GRIK2: variants seen among roughly 807,000 people sequenced by gnomAD.
GRIK2 encodes the protein glutamate receptor ionotropic, kainate 2.
A neutral mutation model predicts 100.3 loss-of-function variants in GRIK2; 32 were observed. That is an observed-to-expected ratio of 0.32 (90% CI 0.24 to 0.43). The LOEUF (loss-of-function observed/expected upper bound fraction) is 0.43, where lower values mean the gene tolerates loss of function less well. Among genes scored for constraint, GRIK2 ranks in the 20% least tolerant of loss-of-function variants. GRIK2 has a pLI of 1.00. For missense variants in GRIK2, 843 were observed against 1,114.9 expected (o/e 0.76, Z 3.47); for synonymous variants, 417 against 389.4 (o/e 1.07, Z -0.83).
intron 2 of GRIK2, among the ~76,000 whole-genome samples, chr6:101,418,077 G>A (rs142966879): frequency 6.6e-6 from 1 of 152,266 alleles, no homozygotes; most frequent in African/African-American, 2.4e-5. Context: ...TCAGCCCTAG[G>A]CTTTTATCCA....
chr6:101,691,650 G>A (rs1772106656), intron 7 of GRIK2, among the ~76,000 whole-genome samples: 3 of 152,080 alleles, frequency 2.0e-5, no homozygotes, highest in Non-Finnish European at 2.9e-5. Flanking sequence ...AGTTAGAAGA[G>A]TAGTTCCCAT....
At chr6:101,809,454 A>T (rs1781197717) in intron 9 of GRIK2, among the ~76,000 whole-genome samples, 1 of 151,920 alleles carries the variant, frequency 6.6e-6, no homozygotes, top group African/African-American at 2.4e-5. Context: ...TGGAATTTAA[A>T]TTTTCTGAAC....
chr6:101,738,981 C>T (rs537656224), intron 7 of GRIK2, among the ~76,000 whole-genome samples: 91 of 152,328 alleles, frequency 6.0e-4, no homozygotes, highest in African/African-American at 2.1e-3. Context: ...CAGCAGTCTG[C>T]ATAGCGCACA....
At chr6:101,607,490 TG>T (rs1779489314) in intron 2 of GRIK2, among the ~76,000 whole-genome samples, 1 of 151,992 alleles carries the variant, frequency 6.6e-6, no homozygotes, top group Non-Finnish European at 1.5e-5. Flanking sequence ...TGCTGAAACG[TG>T]TTATTCTTTA....
intron 11 of GRIK2, among the ~76,000 whole-genome samples, chr6:101,876,712 G>T (rs1432894089): frequency 6.6e-6 from 1 of 151,868 alleles, no homozygotes; most frequent in Non-Finnish European, 1.5e-5. Context: ...GTAAGGTTGT[G>T]CAGTTGTAAT....
At chr6:101,562,476 T>C (rs899220699) in intron 2 of GRIK2, among the ~76,000 whole-genome samples, 1 of 151,886 alleles carries the variant, frequency 6.6e-6, no homozygotes, top group African/African-American at 2.4e-5. Context: ...GTAGCTGGGA[T>C]TACAGGCATG....
At chr6:101,861,956 G>C (rs936001458) in intron 11 of GRIK2, among the ~76,000 whole-genome samples, 1 of 152,104 alleles carries the variant, frequency 6.6e-6, no homozygotes, top group African/African-American at 2.4e-5. Context: ...GAGAATGGGG[G>C]CTTGGATCCT....
intron 16 of GRIK2, among the ~76,000 whole-genome samples, chr6:102,061,688 G>A (rs1288990153): frequency 1.3e-5 from 2 of 150,230 alleles, no homozygotes; most frequent in Non-Finnish European, 3.0e-5. Context: ...ATAAATAAAT[G>A]AAACAATGAA....
chr6:101,589,029 T>C (rs994536003), intron 2 of GRIK2, among the ~76,000 whole-genome samples: 1 of 152,084 alleles, frequency 6.6e-6, no homozygotes, highest in African/African-American at 2.4e-5. Context: ...ATGTCATTTA[T>C]AATTAATAAA....
At chr6:101,998,646 T>C (rs946454332) in intron 14 of GRIK2, among the ~76,000 whole-genome samples, 5 of 152,072 alleles carry the variant, frequency 3.3e-5, no homozygotes, top group African/African-American at 1.2e-4. Flanking sequence ...GTTAATTTTT[T>C]GTACACGATA....
chr6:101,498,967 G>A (rs547074132), intron 2 of GRIK2, among the ~76,000 whole-genome samples: 81 of 152,202 alleles, frequency 5.3e-4, no homozygotes, highest in Non-Finnish European at 1.0e-3. Context: ...GAATGGTAAT[G>A]CCTAGGTTTT....
chr6:101,824,118 G>C (rs2518193), intron 10 of GRIK2, among the ~76,000 whole-genome samples: 41,028 of 151,770 alleles, frequency 0.27, 7,458 homozygotes, highest in East Asian at 0.67. Flanking sequence ...CTCCTGACTT[G>C]TGGTGATCTT....
chr6:101,572,211 C>A (rs1026506790), intron 2 of GRIK2, among the ~76,000 whole-genome samples: 9 of 152,022 alleles, frequency 5.9e-5, no homozygotes, highest in Admixed American at 3.9e-4. Context: ...TTTTAGCAAA[C>A]AAATTATCAC....
chr6:101,395,796 C>T (rs974583625), intron 1 of GRIK2, among the ~76,000 whole-genome samples: 1 of 151,890 alleles, frequency 6.6e-6, no homozygotes, highest in Non-Finnish European at 1.5e-5. Flanking sequence ...TTGAGGTATA[C>T]TTCTAAATAC....
intron 4 of GRIK2, among the ~76,000 whole-genome samples, chr6:101,664,170 A>G (rs981752143): frequency 6.6e-6 from 1 of 152,214 alleles, no homozygotes; most frequent in East Asian, 1.9e-4. Flanking sequence ...TATTACCAAG[A>G]TAGTCCTGAC....
At chr6:101,695,794 T>G (rs1368543271) in intron 7 of GRIK2, among the ~76,000 whole-genome samples, 1 of 152,086 alleles carries the variant, frequency 6.6e-6, no homozygotes, top group African/African-American at 2.4e-5. Flanking sequence ...ATGTTCAGAA[T>G]ACTTACATTA....
intron 11 of GRIK2, among the ~76,000 whole-genome samples, chr6:101,884,540 A>C (rs1277659312): frequency 3.3e-5 from 5 of 152,110 alleles, no homozygotes; most frequent in African/African-American, 7.2e-5. Flanking sequence ...TTTGTTATCT[A>C]ATTTTTGGTT....
chr6:101,596,493 A>G (rs1721229097), intron 2 of GRIK2, among the ~76,000 whole-genome samples: 2 of 151,692 alleles, frequency 1.3e-5, no homozygotes, highest in South Asian at 4.1e-4. Context: ...ACATTTTAAT[A>G]GATGATAGGA....
At chr6:102,032,522 T>G (rs1214130505) in intron 14 of GRIK2, among the ~76,000 whole-genome samples, 1 of 151,048 alleles carries the variant, frequency 6.6e-6, no homozygotes, top group Non-Finnish European at 1.5e-5. Flanking sequence ...TACTCCTTAT[T>G]TATTTTGCTA....
Sources: gnomAD v4.1 joint callset for allele counts (sites outside exome capture counted in the v4.1 genomes callset) on GRCh38, gnomAD v4.1.1 for gene constraint, MANE v1.5 for transcripts, NCBI Gene and HGNC (gene_info 2026-07-23, HGNC 2026-07-21) for gene names.